The following KCNK10 variants were observed in gnomAD, a reference collection of about 807,000 sequenced individuals.
KCNK10 encodes potassium two pore domain channel subfamily K member 10.
A neutral mutation model predicts 47.7 loss-of-function variants in KCNK10; 25 were observed. That is an observed-to-expected ratio of 0.52 (90% CI 0.38 to 0.73). KCNK10 has a LOEUF of 0.73. KCNK10 is among the 30% of genes least tolerant of loss of function. The pLI is 0.00. For synonymous variants in KCNK10, 303 were observed against 285.6 expected (o/e 1.06, Z -0.61); for missense variants, 563 against 714.5 (o/e 0.79, Z 2.42).
In KCNK10 at chr14:88,282,621, C is replaced by G. The variant is rs537839883; in HGVS notation, c.53-19070G>C. The stretch of plus-strand genomic sequence containing the variant: ...CAATTAGCTACTGGCATGAAGGGAA[C>G]TACATCTACCCCCATGGTCCTCCAT... On this transcript the variant is annotated intron_variant, in intron 1 of 6. Transcript: ENST00000319231. 5.3e-5 allele frequency among the ~76,000 whole-genome samples: 8 copies of G among 152,318 alleles called. 1 individual carries two copies. Among genetic ancestry groups the G allele is most frequent in the African/African-American group, 1.9e-4 (8 of 41,564 alleles).
At chr14:88,278,392 G>C (rs1828361219) in intron 1 of KCNK10, among the ~76,000 whole-genome samples, 1 of 152,188 alleles carries the variant, frequency 6.6e-6, no homozygotes, top group Admixed American at 6.5e-5. Flanking sequence ...AGCAGCCACT[G>C]TGAACATATT....
rs115795291 is a variant in KCNK10 at position 88,209,358 on chromosome 14, C to A, written c.682-16948G>T. Among the ~76,000 whole-genome samples the A allele has an allele frequency of 2.7e-3, 405 of 152,284 alleles. 4 individuals are homozygous for A. The highest frequency in any genetic ancestry group is 9.3e-3 in the African/African-American group (388 of 41,566). ...TTTCTTCTTTTTTTACTAGAATCTG[C>A]GTATGTGGTAAGATCACATGAGCAC... On this transcript the variant is annotated intron_variant, in intron 4 of 6. Transcript: ENST00000319231.
chr14:88,265,461 C>G (rs1244278686), intron 1 of KCNK10, among the ~76,000 whole-genome samples: 1 of 152,140 alleles, frequency 6.6e-6, no homozygotes, highest in Non-Finnish European at 1.5e-5. Flanking sequence ...CTAGAGCCTC[C>G]CGAAGGAACC....
At chr14:88,212,109 A>AATATACATATATATATATAT (rs1885476528) in intron 4 of KCNK10, among the ~76,000 whole-genome samples, 1 of 133,334 alleles carries the variant, frequency 7.5e-6, no homozygotes, top group Non-Finnish European at 1.6e-5. Context: ...TGATAGTGAG[A>AATATACATATATATATATAT]ATATATATAT....
rs73314209 is a variant in KCNK10 at position 88,311,258 on chromosome 14, C to T, written c.52+11489G>A. 8.5e-3 allele frequency among the ~76,000 whole-genome samples: 1,290 copies of T among 152,250 alleles called. 21 individuals carry two copies. The highest frequency in any genetic ancestry group is 0.03 in the African/African-American group (1,235 of 41,536). On this transcript the variant is annotated intron_variant, in intron 1 of 6. Coordinates refer to ENST00000319231, the MANE Select transcript of KCNK10 (RefSeq NM_138317.3). ...CTGAACCCATCATTTGATTTATTAG[C>T]GATTTAAATAATCTTTTAAAAATCT...
At chr14:88,191,189 T>C (rs942728516) in intron 5 of KCNK10, among the ~76,000 whole-genome samples, 11 of 151,776 alleles carry the variant, frequency 7.2e-5, no homozygotes, top group Middle Eastern at 3.2e-3. Context: ...GGTCCGAGGC[T>C]GCAGTGAGCC....
At chr14:88,263,180 G>A (rs999517255) in intron 2 of KCNK10, 22 bp downstream of exon 2, 21 of 1,595,516 alleles carry the variant, frequency 1.3e-5, no homozygotes, top group Non-Finnish European at 1.8e-5. Context: ...GCTGGCCTAA[G>A]ATGGACTCAC....
intron 4 of KCNK10, among the ~76,000 whole-genome samples, chr14:88,205,833 T>C (rs11624896): frequency 0.47 from 71,232 of 152,044 alleles, 17,265 homozygotes; most frequent in Non-Finnish European, 0.54. Context: ...TAAGCCACCA[T>C]GCCTGGCCCG....
At chr14:88,196,544 T>C (rs186999961) in intron 4 of KCNK10, among the ~76,000 whole-genome samples, 1 of 152,342 alleles carries the variant, frequency 6.6e-6, no homozygotes, top group Non-Finnish European at 1.5e-5. Flanking sequence ...ATTGTTTGCA[T>C]CTTTATGTAA....
rs1161338952 is a variant in KCNK10 at position 88,180,255 on chromosome 14, C to T, written c.*5280G>A. The T allele has an allele frequency of 6.6e-6, 1 of 152,360 alleles. No individual in the cohort carries two copies. The highest frequency in any genetic ancestry group is 1.9e-4 in the East Asian group (1 of 5,344). 9.4% of individuals were successfully genotyped at this position (152,360 alleles called of 1,614,324 possible). A position where few individuals can be genotyped will look rare whatever the true frequency, so the allele number is the denominator to read the frequency against. On this transcript the variant is annotated 3_prime_UTR_variant, in exon 7 of 7. Coordinates refer to ENST00000319231, the MANE Select transcript of KCNK10 (RefSeq NM_138317.3). ...TTTCCCTAAGAACATTATGAAATCTCCCTCCCCCCACATTATTTTCTGTAA... is the reference window on the plus strand; with the variant it reads ...TTTCCCTAAGAACATTATGAAATCTTCCTCCCCCCACATTATTTTCTGTAA...
intron 1 of KCNK10, among the ~76,000 whole-genome samples, chr14:88,311,905 G>T (rs934941027): frequency 2.0e-5 from 3 of 152,098 alleles, no homozygotes; most frequent in Non-Finnish European, 4.4e-5. Flanking sequence ...GAACCAGAAG[G>T]GGGGCACAGT....
intron 1 of KCNK10, among the ~76,000 whole-genome samples, chr14:88,273,490 G>C (rs554179427): frequency 1.8e-4 from 28 of 152,316 alleles, no homozygotes; most frequent in African/African-American, 6.5e-4. Context: ...CTGGTAGCAG[G>C]TGGGATGCCT....
At chr14:88,296,839 T>C (rs1322263953) in intron 1 of KCNK10, among the ~76,000 whole-genome samples, 3 of 152,232 alleles carry the variant, frequency 2.0e-5, no homozygotes, top group Non-Finnish European at 4.4e-5. Flanking sequence ...GACCATTACA[T>C]CGGCCAAAGC....
At chr14:88,324,238 T>A (rs535473377), upstream of KCNK10, among the ~76,000 whole-genome samples, 43 of 152,332 alleles carry the variant, frequency 2.8e-4, no homozygotes, top group South Asian at 8.5e-3. Flanking sequence ...TAACGCCCTC[T>A]CACTGCCCCT....
intron 4 of KCNK10, among the ~76,000 whole-genome samples, chr14:88,218,654 C>A (rs144664388): frequency 6.6e-6 from 1 of 152,002 alleles, no homozygotes; most frequent in African/African-American, 2.4e-5. Flanking sequence ...GAAGCAGGTA[C>A]TTCCTACCAG....
At chr14:88,239,734 C>T (rs1886398591) in intron 3 of KCNK10, among the ~76,000 whole-genome samples, 1 of 152,020 alleles carries the variant, frequency 6.6e-6, no homozygotes, top group African/African-American at 2.4e-5. Flanking sequence ...TGGTGGGCGC[C>T]TGTAATCCCA....
At chr14:88,292,319 G>C (rs1887896567) in intron 1 of KCNK10, among the ~76,000 whole-genome samples, 1 of 152,154 alleles carries the variant, frequency 6.6e-6, no homozygotes. Flanking sequence ...GGCCTACAGG[G>C]AAAGGAGAGC....
At chr14:88,301,645 C>T (rs11621295) in intron 1 of KCNK10, among the ~76,000 whole-genome samples, 42,310 of 100,490 alleles carry the variant, frequency 0.42, 6,246 homozygotes, top group Admixed American at 0.48. Flanking sequence ...AGAAGATAAT[C>T]CTAGGAGAAA....
chr14:88,280,661 T>C (rs1340927576), intron 1 of KCNK10, among the ~76,000 whole-genome samples: 1 of 152,176 alleles, frequency 6.6e-6, no homozygotes, highest in Admixed American at 6.5e-5. Flanking sequence ...TCAAGCCAAA[T>C]AGGCAGGATC....
Sources: allele counts gnomAD v4.1 joint callset (sites outside exome capture counted in the v4.1 genomes callset), GRCh38; gene constraint gnomAD v4.1.1; transcripts MANE v1.5; gene names NCBI Gene and HGNC (gene_info 2026-07-23, HGNC 2026-07-21).